The following KATNBL1 variants were observed in gnomAD, a reference collection of about 807,000 sequenced individuals.
The protein encoded by KATNBL1 is KATNB1-like protein 1.
KATNBL1 carries 28 observed loss-of-function variants against 44.7 expected under a neutral mutation model. That is an observed-to-expected ratio of 0.63 (90% confidence interval 0.46 to 0.86). The LOEUF is 0.86. KATNBL1 is among the 40% of genes least tolerant of loss of function. KATNBL1 has a pLI of 0.00. For synonymous variants in KATNBL1, 78 were observed against 114.9 expected (o/e 0.68, Z 2.06); for missense variants, 272 against 350.7 (o/e 0.78, Z 1.79).
chr15:34,142,400 T>C, intron 9 of KATNBL1, 29 bp from the exon 10 acceptor site: 1 of 1,567,202 alleles, frequency 6.4e-7, no homozygotes, highest in Non-Finnish European at 8.6e-7. Context: ...AACATTTCAT[T>C]AGACAGTACA....
At chr15:34,174,910 G>A (rs112107002) in intron 1 of KATNBL1, among the ~76,000 whole-genome samples, 18,461 of 151,786 alleles carry the variant, frequency 0.12, 1,234 homozygotes, top group Non-Finnish European at 0.15. Flanking sequence ...CCAAAGTGCC[G>A]GGATTACAGG....
intron 1 of KATNBL1, chr15:34,199,930 T>C (rs1890135093): frequency 6.6e-6 from 1 of 152,278 alleles, no homozygotes; most frequent in Non-Finnish European, 1.5e-5. Context: ...ATTCCCTTAT[T>C]TGACCCCGCC....
At position 34,147,202 on chromosome 15, in the gene KATNBL1, T is replaced by C. The variant is rs767011372; in HGVS notation, c.696A>G (p.Glu232=). The C allele has an allele frequency of 6.3e-7, 1 of 1,578,084 alleles. No individual in the cohort carries two copies. Among genetic ancestry groups the C allele is most frequent in the Non-Finnish European group, 8.7e-7 (1 of 1,149,008 alleles). ...TCAAGATTCAGATTAGCACTTACTC[T>C]TCAAATTTGCTTTTAAGTAGTGACT... ...LVKSLLKSKF[E]EYVIVGLNWL... Residue 232 remains glutamate, a splice_region_variant and synonymous_variant, in exon 7 of 10, where the codon GAA becomes GAG. Transcript: ENST00000256544.
chr15:34,158,220 GCTTGAGGTCCCCAATGAGTCT>G (rs1464999858), intron 2 of KATNBL1, among the ~76,000 whole-genome samples: 3 of 152,202 alleles, frequency 2.0e-5, no homozygotes, highest in African/African-American at 7.2e-5. Flanking sequence ...ATCACACATA[GCTTGAGGTCCCCAATGAGTCT>G]CTTGATGCAG....
intron 1 of KATNBL1, among the ~76,000 whole-genome samples, chr15:34,197,083 A>C (rs550157391): frequency 6.6e-6 from 1 of 152,278 alleles, no homozygotes; most frequent in Admixed American, 6.5e-5. Flanking sequence ...TCCAACTTAG[A>C]CTCCTGCTAC....
At chr15:34,188,703 T>C (rs1007034078) in intron 1 of KATNBL1, among the ~76,000 whole-genome samples, 2 of 152,244 alleles carry the variant, frequency 1.3e-5, no homozygotes, top group South Asian at 4.1e-4. Context: ...CATATTGGGT[T>C]AGTAATTCTT....
intron 1 of KATNBL1, among the ~76,000 whole-genome samples, chr15:34,191,558 GAGAT>G (rs967140300): frequency 6.6e-6 from 1 of 152,088 alleles, no homozygotes; most frequent in African/African-American, 2.4e-5. Flanking sequence ...AGCCGTGTAT[GAGAT>G]AGAAGAATTA....
At chr15:34,204,989 GT>G (rs565440431) in intron 1 of KATNBL1, among the ~76,000 whole-genome samples, 2,424 of 136,368 alleles carry the variant, frequency 0.018, 50 homozygotes, top group African/African-American at 0.053. Flanking sequence ...AAGAGGGACA[GT>G]TTTTTTTTTT....
intron 2 of KATNBL1, among the ~76,000 whole-genome samples, chr15:34,160,987 C>T (rs1173965974): frequency 6.6e-6 from 1 of 152,158 alleles, no homozygotes; most frequent in African/African-American, 2.4e-5. Context: ...TGGCTGCTTC[C>T]CTAATGGGAA....
intron 2 of KATNBL1, 108 bp from the exon 3 acceptor site, chr15:34,154,792 A>G: frequency 1.3e-6 from 1 of 757,644 alleles, no homozygotes; most frequent in East Asian, 2.6e-5. Context: ...TTACTTCTGC[A>G]GAAGGGTGCC....
chr15:34,148,519 T>C (rs572220710), intron 5 of KATNBL1, 113 bp downstream of exon 5: 38 of 622,760 alleles, frequency 6.1e-5, no homozygotes, highest in Non-Finnish European at 1.1e-4. Context: ...ACTCAGCAGG[T>C]TGAGGCTGCA....
chr15:34,174,118 A>G (rs1018324628), intron 1 of KATNBL1, among the ~76,000 whole-genome samples: 1 of 152,238 alleles, frequency 6.6e-6, no homozygotes, highest in Non-Finnish European at 1.5e-5. Flanking sequence ...AGTAAAAATT[A>G]TAACACTATC....
At chr15:34,201,453 G>C (rs1390445714) in intron 1 of KATNBL1, among the ~76,000 whole-genome samples, 1 of 152,162 alleles carries the variant, frequency 6.6e-6, no homozygotes, top group Non-Finnish European at 1.5e-5. Flanking sequence ...GAAGGGAGAA[G>C]ACTTTTCCCT....
chr15:34,197,418 C>T (rs949722429), intron 1 of KATNBL1, among the ~76,000 whole-genome samples: 1 of 152,188 alleles, frequency 6.6e-6, no homozygotes, highest in Non-Finnish European at 1.5e-5. Context: ...AATCCACTTA[C>T]CACAATGTCT....
intron 7 of KATNBL1, 41 bp from the exon 8 acceptor site, chr15:34,146,891 T>A (rs908097129): frequency 1.7e-6 from 2 of 1,202,170 alleles, no homozygotes; most frequent in Non-Finnish European, 2.5e-6. Context: ...TGTTTTCATC[T>A]AAGAACCCTT....
At chr15:34,203,061 A>C (rs1198010225) in intron 1 of KATNBL1, among the ~76,000 whole-genome samples, 2 of 152,184 alleles carry the variant, frequency 1.3e-5, no homozygotes, top group Non-Finnish European at 2.9e-5. Flanking sequence ...CAAATCTCCA[A>C]CTGCCTACTA....
chr15:34,188,136 G>GCAAAAAAAAAAAAAAAAAAAAAAAAAAA (rs1394136257), intron 1 of KATNBL1, among the ~76,000 whole-genome samples: 1 of 6,578 alleles, frequency 1.5e-4, no homozygotes, highest in Non-Finnish European at 4.4e-4. Flanking sequence ...AAGACGCCAT[G>GCAAAAAAAAAAAAAAAAAAAAAAAAAAA]TAAAAAAAAA....
At chr15:34,187,866 C>G (rs974269269) in intron 1 of KATNBL1, among the ~76,000 whole-genome samples, 1 of 152,104 alleles carries the variant, frequency 6.6e-6, no homozygotes. Flanking sequence ...AGGCCAGGCA[C>G]GGTGGCTCAC....
At chr15:34,159,448 G>C (rs1053961438) in intron 2 of KATNBL1, among the ~76,000 whole-genome samples, 3 of 152,178 alleles carry the variant, frequency 2.0e-5, no homozygotes, top group Non-Finnish European at 1.5e-5. Context: ...TGACCTGTCT[G>C]GCTTCTTTAC....
Sources: allele counts gnomAD v4.1 joint callset (sites outside exome capture counted in the v4.1 genomes callset), GRCh38; gene constraint gnomAD v4.1.1; transcripts MANE v1.5; gene names NCBI Gene and HGNC (gene_info 2026-07-23, HGNC 2026-07-21).